SYBU: variants seen among roughly 807,000 people sequenced by gnomAD.
SYBU encodes syntabulin, also known as GOLSYN A protein.
SYBU carries 21 observed loss-of-function variants against 35.9 expected under a neutral mutation model. The observed-to-expected ratio is 0.58, with a 90% CI of 0.41 to 0.84. The LOEUF (loss-of-function observed/expected upper bound fraction) is 0.84, where lower values mean the gene tolerates loss of function less well. Ranked by LOEUF, SYBU falls within the 40% of genes least tolerant of loss-of-function variation. The pLI is 0.00. For missense variants in SYBU, 768 were observed against 848.2 expected (o/e 0.91, Z 1.17); for synonymous variants, 319 against 324.3 (o/e 0.98, Z 0.18).
intron 3 of SYBU, among the ~76,000 whole-genome samples, chr8:109,616,002 CTTTCTT>C (rs1811726787): frequency 6.0e-5 from 6 of 99,278 alleles, no homozygotes; most frequent in South Asian, 4.0e-4. Context: ...CTTTTCTTTT[CTTTCTT>C]TTTTTTTTTT....
chr8:109,628,432 A>G lies in SYBU; in HGVS notation c.230-9393T>C, dbSNP rs184683802. ...ACTGCAGCCCCCACCTCCTGGGCTCAGGTGATTCTCCCACCTCAGGCTCCC... is the reference window on the plus strand; with the variant it reads ...ACTGCAGCCCCCACCTCCTGGGCTCGGGTGATTCTCCCACCTCAGGCTCCC... On this transcript the variant is annotated intron_variant, in intron 2 of 6. Coordinates refer to ENST00000276646, the MANE Select transcript of SYBU (RefSeq NM_001099754.2). 1.2e-3 allele frequency among the ~76,000 whole-genome samples: 179 copies of G among 151,948 alleles called. No individual in the cohort carries two copies. In the East Asian group the frequency reaches 0.017, roughly 14 times the overall value.
At chr8:109,639,390 C>A (rs1364212009) in intron 2 of SYBU, among the ~76,000 whole-genome samples, 1 of 152,066 alleles carries the variant, frequency 6.6e-6, no homozygotes, top group African/African-American at 2.4e-5. Context: ...ATAATTAATG[C>A]TTTTGATATA....
chr8:109,596,745 G>A (rs889812054), intron 3 of SYBU, among the ~76,000 whole-genome samples: 6 of 152,000 alleles, frequency 3.9e-5, no homozygotes, highest in Non-Finnish European at 2.9e-5. Context: ...TCATTCTCCC[G>A]ATAATGAGAA....
At chr8:109,673,859 A>G (rs1013917840) in intron 1 of SYBU, among the ~76,000 whole-genome samples, 5 of 152,230 alleles carry the variant, frequency 3.3e-5, no homozygotes, top group African/African-American at 1.2e-4. Context: ...GGAGCTGAAA[A>G]ACACATCACA....
At chr8:109,630,960 C>A (rs1813554855) in intron 2 of SYBU, among the ~76,000 whole-genome samples, 1 of 152,280 alleles carries the variant, frequency 6.6e-6, no homozygotes, top group Admixed American at 6.5e-5. Context: ...TTCACAGAAG[C>A]CACGGAGGAA....
intron 1 of SYBU, among the ~76,000 whole-genome samples, chr8:109,667,762 G>A (rs896962982): frequency 1.3e-5 from 2 of 152,000 alleles, no homozygotes; most frequent in African/African-American, 4.8e-5. Context: ...CAAAGTGTTG[G>A]GATTACAGGC....
At chr8:109,598,668 G>A (rs1340469422) in intron 3 of SYBU, among the ~76,000 whole-genome samples, 1 of 152,094 alleles carries the variant, frequency 6.6e-6, no homozygotes. Flanking sequence ...TCTTCCATAT[G>A]GGCACTGTAG....
chr8:109,645,200 G>C (rs1294921758), upstream of SYBU: 2 of 456,620 alleles, frequency 4.4e-6, no homozygotes, highest in South Asian at 1.5e-5. Flanking sequence ...GTTTTCCCCT[G>C]GCCACCCCTC....
rs1271400529 is a variant in SYBU at position 109,620,095 on chromosome 8, T to A, written c.230-1056A>T. ...TAAATGCGTTCCACATTTATTAAAG[T>A]ACTTAGGATAGTTGGTTAATTTATT... On this transcript the variant is annotated intron_variant, in intron 2 of 6. Transcript: ENST00000276646. Among the ~76,000 whole-genome samples, 6 of 152,364 alleles carry A rather than the reference T, an allele frequency of 3.9e-5. No homozygotes were observed. The South Asian group carries it at 6.2e-4, about 16-fold the overall frequency.
intron 1 of SYBU, among the ~76,000 whole-genome samples, chr8:109,668,764 C>T (rs2130758499): frequency 6.6e-6 from 1 of 152,314 alleles, no homozygotes; most frequent in Admixed American, 6.5e-5. Context: ...TATTTTCAAA[C>T]TTGACAGTCC....
At chr8:109,579,360 C>T (rs1008992777) in intron 5 of SYBU, among the ~76,000 whole-genome samples, 9 of 152,204 alleles carry the variant, frequency 5.9e-5, no homozygotes, top group African/African-American at 1.9e-4. Context: ...CTGCGTTGGA[C>T]ACCCTCCCCA....
chr8:109,655,004 C>A (rs1816296292), intron 1 of SYBU, among the ~76,000 whole-genome samples: 1 of 152,150 alleles, frequency 6.6e-6, no homozygotes, highest in Non-Finnish European at 1.5e-5. Flanking sequence ...CTTTAAAGTG[C>A]AGATCTGATC....
chr8:109,666,336 C>T (rs79038100), intron 1 of SYBU, among the ~76,000 whole-genome samples: 10,189 of 152,236 alleles, frequency 0.067, 466 homozygotes, highest in South Asian at 0.22. Flanking sequence ...TGTTTAGCAG[C>T]TTCTCCAGCC....
At chr8:109,645,636 T>TTTTTTTTTC, upstream of SYBU, 1 of 278,598 alleles carries the variant, frequency 3.6e-6, no homozygotes, top group Non-Finnish European at 7.1e-6. Flanking sequence ...GTTTTTTGTT[T>TTTTTTTTTC]TTTTTTTTTT....
chr8:109,689,832 G>GA (rs544879954), intron 1 of SYBU, among the ~76,000 whole-genome samples: 4,341 of 102,530 alleles, frequency 0.042, 88 homozygotes, highest in Middle Eastern at 0.082. Flanking sequence ...ACTACAATAT[G>GA]AAAAAAAAAA....
At chr8:109,613,882 C>A (rs1334681597) in intron 3 of SYBU, among the ~76,000 whole-genome samples, 1 of 152,198 alleles carries the variant, frequency 6.6e-6, no homozygotes, top group African/African-American at 2.4e-5. Context: ...TCTAAAGTAA[C>A]CAATCCTCTG....
chr8:109,644,212 C>T lies in SYBU; in HGVS notation c.24+424G>A, dbSNP rs1325448408. On this transcript the variant is annotated intron_variant, in intron 1 of 6. Coordinates refer to ENST00000276646, the MANE Select transcript of SYBU (RefSeq NM_001099754.2). Reference sequence around the variant, plus strand: ...GCCTCGGATTCGCCCTGCACATCTGCCGCCCAGCAGGTACCATGCGCCAGC... The same window carrying T: ...GCCTCGGATTCGCCCTGCACATCTGTCGCCCAGCAGGTACCATGCGCCAGC... The T allele has an allele frequency of 1.5e-5, 7 of 470,236 alleles. No homozygotes were observed. In the Admixed American group the frequency reaches 1.6e-4, roughly 11 times the overall value. 29.1% of individuals were successfully genotyped at this position (470,236 alleles called of 1,614,324 possible). A position where few individuals can be genotyped will look rare whatever the true frequency, so the allele number is the denominator to read the frequency against.
intron 3 of SYBU, among the ~76,000 whole-genome samples, chr8:109,602,032 T>C (rs1041001726): frequency 3.9e-5 from 6 of 152,082 alleles, no homozygotes; most frequent in African/African-American, 1.2e-4. Context: ...TGTTACAGTT[T>C]GGAGATGGGT....
intron 4 of SYBU, 109 bp from the exon 5 acceptor site, chr8:109,580,111 G>A (rs1011522599): frequency 8.6e-5 from 88 of 1,023,946 alleles, no homozygotes; most frequent in South Asian, 6.4e-4. Flanking sequence ...GTTGAAAGGC[G>A]CAATACAATT....
Sources: allele counts gnomAD v4.1 joint callset (sites outside exome capture counted in the v4.1 genomes callset), GRCh38; gene constraint gnomAD v4.1.1; transcripts MANE v1.5; gene names NCBI Gene and HGNC (gene_info 2026-07-23, HGNC 2026-07-21).